Variants in NPR2 observed in about 807,000 individuals in gnomAD.
The protein encoded by NPR2 is atrial natriuretic peptide receptor 2.
Under a neutral mutation model 120.7 loss-of-function variants are expected in NPR2, and 49 were observed. That is an observed-to-expected ratio of 0.41 (90% CI 0.32 to 0.52). The LOEUF (loss-of-function observed/expected upper bound fraction) is 0.52, where lower values mean the gene tolerates loss of function less well. Ranked by LOEUF, NPR2 falls within the 20% of genes least tolerant of loss-of-function variation. The pLI, the probability that NPR2 is intolerant of heterozygous loss-of-function variation, is 0.36. For synonymous variants in NPR2, 484 were observed against 519.8 expected, an observed-to-expected ratio of 0.93 and a Z score of 0.94; for missense variants, 931 against 1,362.9, an observed-to-expected ratio of 0.68 and a Z score of 4.99.
At chr9:35,803,405 G>A (rs1228929337) in intron 12 of NPR2, among the ~76,000 whole-genome samples, 1 of 152,066 alleles carries the variant, frequency 6.6e-6, no homozygotes, top group African/African-American at 2.4e-5. Context: ...CGCCCGGCCT[G>A]AACATATTTA....
chr9:35,792,263 G>C lies in NPR2; in HGVS notation c.-146G>C. The C allele has an allele frequency of 8.5e-6, 4 of 469,566 alleles. No individual in the cohort carries two copies. Among genetic ancestry groups the C allele is most frequent in the Non-Finnish European group, 6.5e-6 (2 of 306,388 alleles). The allele number at this position is 469,566 out of a possible 1,614,324, so 29.1% of individuals were successfully genotyped here. On this transcript the variant is annotated 5_prime_UTR_variant, in exon 1 of 22. Transcript: ENST00000342694. The stretch of plus-strand genomic sequence containing the variant: ...CTCCCCCTCCTCTCCCCGGCCCCCA[G>C]CACCTTCTGCATCCCAGCCTACCTA...
At position 35,800,252 on chromosome 9, in the gene NPR2, G is replaced by A; in HGVS notation, c.1123+95G>A. ...ATGTCAGGATCACCACAGCTTTAGT[G>A]GGGGTTAGTGAATATGGCAGAGTTG... On this transcript the variant is annotated intron_variant, in intron 4 of 21. Coordinates refer to ENST00000342694, the MANE Select transcript of NPR2 (RefSeq NM_003995.4). The surrounding 1 kb of genome is among the most constrained non-coding windows in gnomAD (Gnocchi z 4.7). 7.0e-7 allele frequency: 1 copy of A among 1,421,738 alleles called. No individual in the cohort carries two copies. The highest frequency in any genetic ancestry group is 1.1e-5 in the South Asian group (1 of 86,964). The allele number at this position is 1,421,738 out of a possible 1,614,324, so 88.1% of individuals were successfully genotyped here.
In NPR2 at chr9:35,801,730, C is replaced by A; in HGVS notation, c.1524C>A (p.His508Gln). ...AGTTTGGCAACTCAGAGCGTTATCA[C>A]AAAGGTGCAGGCAGTCGCCTCACAC... ...ELQFGNSERYHKGAGSRLTLS... is the reference protein window; with the variant it reads ...ELQFGNSERYQKGAGSRLTLS... Residue 508 changes from histidine (H) to glutamine (Q), a missense_variant, in exon 8 of 22, where the codon CAC becomes CAA. His to Gln is a conservative substitution (Grantham distance 24). Coordinates refer to ENST00000342694, the MANE Select transcript of NPR2 (RefSeq NM_003995.4). The A allele has an allele frequency of 6.2e-7, 1 of 1,614,196 alleles. No individual in the cohort carries two copies. Among genetic ancestry groups the A allele is most frequent in the African/African-American group, 1.3e-5 (1 of 75,046 alleles).
In NPR2 at chr9:35,792,671, A is replaced by G. The variant is rs1349881219; in HGVS notation, c.263A>G (p.Lys88Arg). ...GCACCGCTGAGCGCTGTGGACCTCAAGCTGTACCATGACCCCGACCTGCTG... is the reference window on the plus strand; with the variant it reads ...GCACCGCTGAGCGCTGTGGACCTCAGGCTGTACCATGACCCCGACCTGCTG... The part of the protein sequence containing the change: ...YLAPLSAVDL[K>R]LYHDPDLLLG... The change falls in exon 1 of 22, where the codon AAG becomes AGG. Residue 88 changes from lysine to arginine, a missense_variant. Physicochemically the swap from Lys to Arg is conservative, Grantham distance 26 (BLOSUM62 2). Transcript: ENST00000342694. 2 of 1,614,098 alleles carry G rather than the reference A, an allele frequency of 1.2e-6. No individual in the cohort carries two copies. Among genetic ancestry groups the G allele is most frequent in the Non-Finnish European group, 8.5e-7 (1 of 1,180,024 alleles).
At position 35,800,107 on chromosome 9, in the gene NPR2, G is replaced by A. The variant is rs375970096; in HGVS notation, c.1073G>A (p.Arg358Gln). 20 of 1,613,814 alleles carry A rather than the reference G, an allele frequency of 1.2e-5. No homozygotes were observed. In the Admixed American group the frequency reaches 2.2e-4, roughly 17 times the overall value. The change falls in exon 4 of 22, where the codon CGG becomes CAG. Residue 358 changes from arginine (R) to glutamine (Q), a missense_variant. Arg to Gln is a conservative substitution (Grantham distance 43, BLOSUM62 1). This residue lies in a region of NPR2 where 681 missense variants were observed against 974.3 expected (regional missense o/e 0.70). Transcript: ENST00000342694. The surrounding 1 kb of genome is among the most constrained non-coding windows in gnomAD (Gnocchi z 4.7). ...GAGACAATACAGGAAGGAGGCACCC[G>A]GGAGGATGGACTTCGAATTGTGGAA... ...LNETIQEGGT[R>Q]EDGLRIVEKM...
Position 35,808,926 on chromosome 9 carries a change from C to A in NPR2, c.2986+73C>A. 2 of 1,064,940 alleles carry A rather than the reference C, an allele frequency of 1.9e-6. No homozygotes were observed. Among genetic ancestry groups the A allele is most frequent in the Non-Finnish European group, 2.9e-6 (2 of 680,366 alleles). 66.0% of individuals were successfully genotyped at this position (1,064,940 alleles called of 1,614,324 possible). ...CCTTTTCTTCTTTTCATAATCCCTC[C>A]AATTTCTTAATCTGAGAGACCACAG... On this transcript the variant is annotated intron_variant, in intron 20 of 21. Transcript: ENST00000342694. The surrounding 1 kb of genome is among the most constrained non-coding windows in gnomAD (Gnocchi z 4.0).
Position 35,808,056 on chromosome 9 carries a change from C to A in NPR2, c.2713-453C>A. On this transcript the variant is annotated intron_variant, in intron 18 of 21. Coordinates refer to ENST00000342694, the MANE Select transcript of NPR2 (RefSeq NM_003995.4). This position sits in a 1 kb window ranked among gnomAD's most constrained non-coding sequence, Gnocchi z 4.0. ...AACTTCACTGTGTATTTCCTTAAAA[C>A]AATGGCATTTATTCTCTTACATAGC... 1.3e-6 allele frequency: 1 copy of A among 760,862 alleles called. No individual in the cohort carries two copies. Among genetic ancestry groups the A allele is most frequent in the South Asian group, 1.6e-5 (1 of 62,272 alleles). 47.1% of individuals were successfully genotyped at this position (760,862 alleles called of 1,614,324 possible). A position where few individuals can be genotyped will look rare whatever the true frequency, so the allele number is the denominator to read the frequency against.
Position 35,805,743 on chromosome 9 carries a change from G to C in NPR2, c.2047+73G>C, listed in dbSNP as rs61758530. The C allele has an allele frequency of 0.018, 28,521 of 1,608,838 alleles. 323 individuals carry two copies. Among genetic ancestry groups the C allele is most frequent in the Non-Finnish European group, 0.019 (22,502 of 1,175,932 alleles). The stretch of plus-strand genomic sequence containing the variant: ...CCTAGGGATGGTGGGAGAGGGAGGT[G>C]GAGTGACAGTAATATAGGGATGAGC... On this transcript the variant is annotated intron_variant, in intron 13 of 21. Coordinates refer to ENST00000342694, the MANE Select transcript of NPR2 (RefSeq NM_003995.4). This position sits in a 1 kb window ranked among gnomAD's most constrained non-coding sequence, Gnocchi z 4.9.
rs1046578004 is a variant in NPR2, at chr9:35,805,804, C to T, written c.2048-26C>T. ...TTGGGGGTGCCCCATTTCGGGGGAC[C>T]TGGCCAGCCGGTTTCCTCTTTTCAG... On this transcript the variant is annotated intron_variant, in intron 13 of 21. Coordinates refer to ENST00000342694, the MANE Select transcript of NPR2 (RefSeq NM_003995.4). The surrounding 1 kb of genome is among the most constrained non-coding windows in gnomAD (Gnocchi z 4.9). 1.9e-6 allele frequency: 3 copies of T among 1,613,560 alleles called. No individual in the cohort carries two copies. The highest frequency in any genetic ancestry group is 2.5e-6 in the Non-Finnish European group (3 of 1,179,768).
Position 35,792,467 on chromosome 9 carries a change from C to G in NPR2, c.59C>G (p.Pro20Arg). 1 of 1,611,102 alleles carries G rather than the reference C, an allele frequency of 6.2e-7. No homozygotes were observed. The highest frequency in any genetic ancestry group is 1.1e-5 in the South Asian group (1 of 91,062). Reference protein sequence around the residue: ...VAALAGGVRPPGARNLTLAVV... With the variant: ...VAALAGGVRPRGARNLTLAVV... ...GCCCTGGCAGGTGGGGTGCGTCCTC[C>G]CGGGGCGCGGAACCTGACGCTGGCG... Residue 20 changes from proline to arginine, a missense_variant, in exon 1 of 22, where the codon CCC (proline) becomes CGC (arginine). Pro to Arg is a moderately radical substitution (Grantham distance 103, BLOSUM62 -2). Transcript: ENST00000342694.
At position 35,800,526 on chromosome 9, in the gene NPR2, A is replaced by C. The variant is rs1250265849; in HGVS notation, c.1218+43A>C. On this transcript the variant is annotated intron_variant, in intron 5 of 21. Transcript: ENST00000342694. The surrounding 1 kb of genome is among the most constrained non-coding windows in gnomAD (Gnocchi z 4.7). ...AGGGAAGAGAGTGTGGCCCTGCAAA[A>C]TCCAGCTTTCAAGGGTTCAGTCGGG... 6.3e-7 allele frequency: 1 copy of C among 1,592,158 alleles called. No individual in the cohort carries two copies. The highest frequency in any genetic ancestry group is 8.6e-7 in the Non-Finnish European group (1 of 1,160,442).
Position 35,809,177 on chromosome 9 carries a change from C to A in NPR2, c.3008C>A (p.Ser1003Tyr). The change falls in exon 21 of 22, where the codon TCT becomes TAT. Residue 1003 changes from serine (S) to tyrosine (Y), a missense_variant. Coordinates refer to ENST00000342694, the MANE Select transcript of NPR2 (RefSeq NM_003995.4). The surrounding 1 kb of genome is among the most constrained non-coding windows in gnomAD (Gnocchi z 4.1). The stretch of plus-strand genomic sequence containing the variant: ...CCAGCGCTGAAGATCCATGTCTCCT[C>A]TACCACCAAGGATGCCCTAGATGAG... ...NGQALKIHVS[S>Y]TTKDALDELG... The A allele has an allele frequency of 3.7e-6, 6 of 1,614,054 alleles. No individual in the cohort carries two copies. Among genetic ancestry groups the A allele is most frequent in the Non-Finnish European group, 5.1e-6 (6 of 1,179,966 alleles).
Position 35,791,751 on chromosome 9 carries a change from G to C in NPR2, c.-658G>C, listed in dbSNP as rs1393104908. ...AGGAGAAGCGGAGCAGAGAGGAGCGGGGACACGGGCGGGGCCGCCGTAGCT... is the reference window on the plus strand; with the variant it reads ...AGGAGAAGCGGAGCAGAGAGGAGCGCGGACACGGGCGGGGCCGCCGTAGCT... On this transcript the variant is annotated 5_prime_UTR_variant, in exon 1 of 22. Transcript: ENST00000342694. Among the ~76,000 whole-genome samples, 1 of 151,868 alleles carries C rather than the reference G, an allele frequency of 6.6e-6. No individual in the cohort carries two copies. Among genetic ancestry groups the C allele is most frequent in the East Asian group, 1.9e-4 (1 of 5,168 alleles).
rs759207364 is a variant in NPR2 at position 35,800,119 on chromosome 9, T to C, written c.1085T>C (p.Leu362Pro). The change falls in exon 4 of 22, where the codon CTT becomes CCT. Residue 362 changes from leucine (L) to proline (P), a missense_variant. Leu to Pro is a moderately conservative substitution (Grantham distance 98). Transcript: ENST00000342694. This position sits in a 1 kb window ranked among gnomAD's most constrained non-coding sequence, Gnocchi z 4.7. ...IQEGGTREDG[L>P]RIVEKMQGRR... ...GAAGGAGGCACCCGGGAGGATGGAC[T>C]TCGAATTGTGGAAAAGATGCAGGGA... is the stretch of plus-strand genomic sequence containing the variant. 3 of 1,613,936 alleles carry C rather than the reference T, an allele frequency of 1.9e-6. No homozygotes were observed. Among genetic ancestry groups the C allele is most frequent in the East Asian group, 2.2e-5 (1 of 44,878 alleles).
Position 35,802,899 on chromosome 9 carries a change from G to A in NPR2, c.1887+96G>A, listed in dbSNP as rs1828229130. 1 of 848,410 alleles carries A rather than the reference G, an allele frequency of 1.2e-6. No homozygotes were observed. 52.6% of individuals were successfully genotyped at this position (848,410 alleles called of 1,614,324 possible). ...TCTCCTTCTAGTCCTCTGAAGTCCT[G>A]TTCTCTCATCTCCCCTTATTCCCAT... On this transcript the variant is annotated intron_variant, in intron 12 of 21. Transcript: ENST00000342694. This position sits in a 1 kb window ranked among gnomAD's most constrained non-coding sequence, Gnocchi z 4.2.
Position 35,800,592 on chromosome 9 carries a change from C to T in NPR2, c.1218+109C>T. 2 of 1,582,450 alleles carry T rather than the reference C, an allele frequency of 1.3e-6. No homozygotes were observed. The highest frequency in any genetic ancestry group is 1.1e-5 in the South Asian group (1 of 90,244). ...CTAGATGAGGGATTTGTTTTCTCTGCTGGCACTGCATCCTGGCTGGGTGGT... is the reference window on the plus strand; with the variant it reads ...CTAGATGAGGGATTTGTTTTCTCTGTTGGCACTGCATCCTGGCTGGGTGGT... On this transcript the variant is annotated intron_variant, in intron 5 of 21. Coordinates refer to ENST00000342694, the MANE Select transcript of NPR2 (RefSeq NM_003995.4). The surrounding 1 kb of genome is among the most constrained non-coding windows in gnomAD (Gnocchi z 4.7).
Position 35,806,638 on chromosome 9 carries a change from C to A in NPR2, c.2519+100C>A, listed in dbSNP as rs942033433. On this transcript the variant is annotated intron_variant, in intron 16 of 21. Transcript: ENST00000342694. The surrounding 1 kb of genome is among the most constrained non-coding windows in gnomAD (Gnocchi z 4.6). ...AGAACTCGCCTCCCCACCCTCAGAACCCTGCTGGCCACAGGGAGCACCCCT... is the reference window on the plus strand; with the variant it reads ...AGAACTCGCCTCCCCACCCTCAGAAACCTGCTGGCCACAGGGAGCACCCCT... 1.6e-5 allele frequency: 21 copies of A among 1,309,980 alleles called. No homozygotes were observed. Among genetic ancestry groups the A allele is most frequent in the Non-Finnish European group, 2.1e-5 (19 of 907,560 alleles). The allele number at this position is 1,309,980 out of a possible 1,614,324, so 81.1% of individuals were successfully genotyped here.
chr9:35,793,954 A>G lies in NPR2; in HGVS notation c.724A>G (p.Arg242Gly), dbSNP rs1036200556. 2.5e-6 allele frequency: 4 copies of G among 1,614,052 alleles called. No individual in the cohort carries two copies. The African/African-American group carries it at 5.3e-5, about 22-fold the overall frequency. ...GCATGAGATCCTGCTTCAGGCCCAG[A>G]GGGAGAATCTGACCAATGGGGATTA... ...MLHEILLQAQ[R>G]ENLTNGDYVF... The change falls in exon 2 of 22, where the codon AGG becomes GGG. Residue 242 changes from arginine (R) to glycine (G), a missense_variant. This residue lies in a region of NPR2 where 681 missense variants were observed against 974.3 expected (regional missense o/e 0.70). Coordinates refer to ENST00000342694, the MANE Select transcript of NPR2 (RefSeq NM_003995.4).
rs374250772 is a variant in NPR2, at chr9:35,802,533, C to G, written c.1741C>G (p.Arg581Gly). ...AGATGTTCAGTTCAACCATCTCACTCGCTTCATTGGCGCCTGCATAGACCC... is the reference window on the plus strand; with the variant it reads ...AGATGTTCAGTTCAACCATCTCACTGGCTTCATTGGCGCCTGCATAGACCC... The part of the protein sequence containing the change: ...MRDVQFNHLT[R>G]FIGACIDPPN... Residue 581 changes from arginine (R) to glycine (G), a missense_variant, in exon 11 of 22, where the codon CGC becomes GGC. By Grantham distance (125) the Arg-to-Gly change is moderately radical. Around this residue, in one of 3 missense-constraint regions of NPR2, gnomAD observed 681 missense variants for 974.3 expected, o/e 0.70. Transcript: ENST00000342694. This position sits in a 1 kb window ranked among gnomAD's most constrained non-coding sequence, Gnocchi z 4.2. The G allele has an allele frequency of 4.4e-6, 7 of 1,606,784 alleles. No individual in the cohort carries two copies. In the South Asian group the frequency reaches 5.5e-5, roughly 13 times the overall value.
Sources: gnomAD v4.1 joint callset for allele counts (sites outside exome capture counted in the v4.1 genomes callset) on GRCh38, gnomAD v4.1.1 for gene constraint, gnomAD v4.1.1 regional missense constraint, Gnocchi (gnomAD v3.1) non-coding constraint, MANE v1.5 for transcripts, NCBI Gene and HGNC (gene_info 2026-07-23, HGNC 2026-07-21) for gene names.